CCDC187: variants seen among roughly 807,000 people sequenced by gnomAD.
CCDC187 encodes the protein coiled-coil domain-containing protein 187.
In CCDC187, 32 loss-of-function variants were observed where a neutral mutation model predicts 38.0. The ratio of observed to expected loss-of-function variants is 0.84; its 90% CI spans 0.64 to 1.13. The LOEUF is 1.13. Ranked by LOEUF, CCDC187 falls within the 50% of genes most tolerant of loss-of-function variation. CCDC187 has a pLI of 0.00. For missense variants in CCDC187, 707 were observed against 786.8 expected (o/e 0.90, Z 1.21); for synonymous variants, 333 against 347.9 (o/e 0.96, Z 0.48).
intron 4 of CCDC187, among the ~76,000 whole-genome samples, chr9:136,293,889 C>T (rs1456249099): frequency 6.6e-6 from 1 of 151,772 alleles, no homozygotes; most frequent in Non-Finnish European, 1.5e-5. Flanking sequence ...CACACGCTCA[C>T]ACACAACCAC....
rs1385808016 is a variant in CCDC187 at position 136,258,751 on chromosome 9, G to A, written c.4366+181C>T. On this transcript the variant is annotated intron_variant, in intron 22 of 25. Transcript: ENST00000638797. The surrounding 1 kb of genome is among the most constrained non-coding windows in gnomAD (Gnocchi z 4.3). Reference sequence around the variant, plus strand: ...GCTGCGTCACCTCCGGTAGGAGATGGAGCCGGCCACTCTTCTTGCAGTGAA... The same window carrying A: ...GCTGCGTCACCTCCGGTAGGAGATGAAGCCGGCCACTCTTCTTGCAGTGAA... 2.8e-5 allele frequency: 28 copies of A among 985,328 alleles called. No homozygotes were observed. Among genetic ancestry groups the A allele is most frequent in the Non-Finnish European group, 3.1e-5 (26 of 829,930 alleles). The allele number at this position is 985,328 out of a possible 1,614,324, so 61.0% of individuals were successfully genotyped here.
intron 23 of CCDC187, 105 bp downstream of exon 23, chr9:136,256,599 AG>A (rs1830615458): frequency 6.6e-6 from 1 of 152,398 alleles, no homozygotes; most frequent in Admixed American, 6.5e-5. Context: ...TCTGCTGGGA[AG>A]GGCCCTGGGG....
chr9:136,286,873 G>A (rs893717874), intron 7 of CCDC187, among the ~76,000 whole-genome samples, 178 bp from the exon 8 acceptor site: 34 of 152,354 alleles, frequency 2.2e-4, no homozygotes, highest in African/African-American at 7.2e-4. Flanking sequence ...CACAGCTGCC[G>A]CAAAGAACAG....
Position 136,253,902 on chromosome 9 carries a change from AGGCTTCC to A in CCDC187, c.5919_5925del (p.Glu1973AspfsTer10). The stretch of plus-strand genomic sequence containing the variant: ...AAGACGTCACCGGCAAGTAGGGGAC[AGGCTTCC>A]TCCAGGACAGTGGGGGCCCCATTCC... On this transcript the variant is annotated frameshift_variant, in exon 26 of 26. Transcript: ENST00000638797. LOFTEE classifies it low-confidence loss of function (END_TRUNC). 6 of 985,500 alleles carry A rather than the reference AGGCTTCC, an allele frequency of 6.1e-6. No individual in the cohort carries two copies. The highest frequency in any genetic ancestry group is 7.2e-6 in the Non-Finnish European group (6 of 830,000). 61.0% of individuals were successfully genotyped at this position (985,500 alleles called of 1,614,324 possible).
chr9:136,269,564 C>T (rs1018339901), intron 14 of CCDC187, among the ~76,000 whole-genome samples: 6 of 152,144 alleles, frequency 3.9e-5, no homozygotes, highest in Non-Finnish European at 8.8e-5. Context: ...AGGGGAATTG[C>T]TTGAACCTGG....
intron 19 of CCDC187, among the ~76,000 whole-genome samples, chr9:136,260,648 G>A (rs1035917551): frequency 3.3e-5 from 5 of 152,070 alleles, no homozygotes; most frequent in Non-Finnish European, 7.4e-5. Context: ...GCTGTCTCAG[G>A]TGCCTGCCCG....
intron 17 of CCDC187, among the ~76,000 whole-genome samples, chr9:136,265,055 C>A (rs1387263872): frequency 6.6e-6 from 1 of 152,198 alleles, no homozygotes; most frequent in Non-Finnish European, 1.5e-5. Context: ...CAGCCAGGTT[C>A]TTTTATCTGT....
chr9:136,267,727 T>G (rs978547340), intron 15 of CCDC187: 1 of 883,438 alleles, frequency 1.1e-6, no homozygotes, highest in Non-Finnish European at 1.4e-6. Context: ...GCAGGCAGGA[T>G]CTTTAGCATC....
At chr9:136,300,516 C>T (rs1361048317) in intron 2 of CCDC187, among the ~76,000 whole-genome samples, 198 bp from the exon 3 acceptor site, 3 of 152,292 alleles carry the variant, frequency 2.0e-5, no homozygotes, top group Admixed American at 6.5e-5. Flanking sequence ...TGGGTTCAAG[C>T]GAGTCTCCTG....
At chr9:136,294,121 C>G (rs1259005832) in intron 4 of CCDC187, among the ~76,000 whole-genome samples, 21 of 66,158 alleles carry the variant, frequency 3.2e-4, no homozygotes, top group African/African-American at 1.1e-3. Context: ...CACACACTCT[C>G]ACACTCATAC....
At chr9:136,255,985 G>T (rs1007483798) in intron 24 of CCDC187, among the ~76,000 whole-genome samples, 1 of 152,190 alleles carries the variant, frequency 6.6e-6, no homozygotes, top group Non-Finnish European at 1.5e-5. Context: ...CTCCCAGGGG[G>T]TTCGAAGCCG....
At chr9:136,278,626 A>T (rs1830978763) in intron 10 of CCDC187, among the ~76,000 whole-genome samples, 1 of 152,158 alleles carries the variant, frequency 6.6e-6, no homozygotes, top group Non-Finnish European at 1.5e-5. Flanking sequence ...GGTAGTGATG[A>T]TGTTAACTAG....
intron 23 of CCDC187, 38 bp downstream of exon 23, chr9:136,256,666 AC>A (rs1830616232): frequency 6.6e-6 from 1 of 152,262 alleles, no homozygotes; most frequent in African/African-American, 2.4e-5. Flanking sequence ...GCCGGGCCCC[AC>A]ACAGCCCACA....
intron 9 of CCDC187, among the ~76,000 whole-genome samples, chr9:136,284,205 A>T (rs929866222): frequency 8.5e-5 from 13 of 152,060 alleles, no homozygotes; most frequent in African/African-American, 3.1e-4. Flanking sequence ...GACTCTGGGC[A>T]ACAGCCCCTC....
At chr9:136,288,782 A>C (rs1019569581) in intron 7 of CCDC187, among the ~76,000 whole-genome samples, 1 of 152,234 alleles carries the variant, frequency 6.6e-6, no homozygotes, top group Admixed American at 6.5e-5. Context: ...AGAAACACAG[A>C]AAAGAACCTA....
chr9:136,281,960 C>T (rs1274981065), intron 9 of CCDC187, among the ~76,000 whole-genome samples: 1 of 152,156 alleles, frequency 6.6e-6, no homozygotes. Context: ...CACCAGCCCA[C>T]ATCTGGGAAG....
chr9:136,278,578 T>G (rs1266060241), intron 10 of CCDC187, among the ~76,000 whole-genome samples: 1 of 152,090 alleles, frequency 6.6e-6, no homozygotes, highest in Non-Finnish European at 1.5e-5. Flanking sequence ...ATGGGACAGT[T>G]TGACAGATCT....
At chr9:136,261,322 C>T (rs900606001) in intron 19 of CCDC187, among the ~76,000 whole-genome samples, 6 of 152,146 alleles carry the variant, frequency 3.9e-5, no homozygotes, top group South Asian at 2.1e-4. Context: ...CCCAGGGAGC[C>T]GAAGTTTTCT....
chr9:136,278,622 G>A (rs1830978625), intron 10 of CCDC187, among the ~76,000 whole-genome samples: 1 of 152,206 alleles, frequency 6.6e-6, no homozygotes, highest in Non-Finnish European at 1.5e-5. Context: ...TGCTGGTAGT[G>A]ATGATGTTAA....
Sources: allele counts gnomAD v4.1 joint callset (sites outside exome capture counted in the v4.1 genomes callset), GRCh38; gene constraint gnomAD v4.1.1; non-coding constraint Gnocchi (gnomAD v3.1); transcripts MANE v1.5; gene names NCBI Gene and HGNC (gene_info 2026-07-23, HGNC 2026-07-21).